The following ARHGEF11 variants were observed in gnomAD, a reference collection of about 807,000 sequenced individuals.
ARHGEF11 encodes the protein Rho guanine nucleotide exchange factor 11.
Under a neutral mutation model 193.7 loss-of-function variants are expected in ARHGEF11, and 55 were observed. The observed-to-expected ratio is 0.28, with a 90% CI of 0.23 to 0.36. ARHGEF11 has a LOEUF of 0.36. Ranked by LOEUF, ARHGEF11 falls within the 10% of genes least tolerant of loss-of-function variation. The pLI, the probability that ARHGEF11 is intolerant of heterozygous loss-of-function variation, is 1.00. For missense variants in ARHGEF11, 1,723 were observed against 2,005.6 expected (o/e 0.86, Z 2.69); for synonymous variants, 693 against 768.0 (o/e 0.90, Z 1.62).
In ARHGEF11 at chr1:156,955,802, G is replaced by C. The variant is rs1659861478; in HGVS notation, c.1672-3C>G. 6.2e-7 allele frequency: 1 copy of C among 1,612,466 alleles called. No individual in the cohort carries two copies. Among genetic ancestry groups the C allele is most frequent in the Admixed American group, 1.7e-5 (1 of 60,032 alleles). ...TTTTCTTTCTTGGAATTGCTGCTCTGCTGAGACAGGAGACACTGGTGTTTG... is the reference window on the plus strand; with the variant it reads ...TTTTCTTTCTTGGAATTGCTGCTCTCCTGAGACAGGAGACACTGGTGTTTG... On this transcript the variant is annotated splice_region_variant and splice_polypyrimidine_tract_variant and intron_variant, in intron 19 of 40. Transcript: ENST00000368194.
intron 1 of ARHGEF11, among the ~76,000 whole-genome samples, chr1:157,002,028 C>T (rs927652299): frequency 6.6e-6 from 1 of 152,112 alleles, no homozygotes; most frequent in Non-Finnish European, 1.5e-5. Flanking sequence ...AGTGTGGTTG[C>T]ATGTGCATGT....
chr1:156,962,587 C>T (rs749452390), intron 13 of ARHGEF11, among the ~76,000 whole-genome samples: 6 of 152,046 alleles, frequency 3.9e-5, no homozygotes, highest in Non-Finnish European at 7.4e-5. Context: ...GTTTAAAAAA[C>T]GAAGGAAGAG....
intron 36 of ARHGEF11, 40 bp from the exon 37 acceptor site, chr1:156,939,950 T>G: frequency 6.3e-7 from 1 of 1,589,400 alleles, no homozygotes; most frequent in Non-Finnish European, 8.5e-7. Flanking sequence ...AGCATGGGAC[T>G]GCACACCACG....
rs1221340937 is a variant in ARHGEF11, at chr1:156,980,714, T to C, written c.224-228A>G. ...TGCTCTTCCTTTCACCTAAATAAGA[T>C]GCCAGACTTCTGATAGCCAGGCCAA... On this transcript the variant is annotated intron_variant, in intron 3 of 40. Transcript: ENST00000368194. Among the ~76,000 whole-genome samples the C allele has an allele frequency of 4.3e-4, 66 of 151,740 alleles. 1 individual carries two copies. Among genetic ancestry groups the C allele is most frequent in the Admixed American group, 4.3e-3 (66 of 15,186 alleles).
At chr1:156,946,848 G>T (rs10908527) in intron 27 of ARHGEF11, 61 bp from the exon 28 acceptor site, 2 of 1,612,678 alleles carry the variant, frequency 1.2e-6, no homozygotes, top group East Asian at 4.5e-5. Context: ...CCAGACCCCT[G>T]CCTTTGCCAA....
In ARHGEF11 at chr1:156,962,863, T is replaced by C. The variant is rs371646111; in HGVS notation, c.1140+340A>G. Among the ~76,000 whole-genome samples, 9 of 113,988 alleles carry C rather than the reference T, an allele frequency of 7.9e-5. No homozygotes were observed. The East Asian group carries it at 1.9e-3, about 25-fold the overall frequency. 74.8% of individuals were successfully genotyped at this position (113,988 alleles called of 152,430 possible). A position where few individuals can be genotyped will look rare whatever the true frequency, so the allele number is the denominator to read the frequency against. On this transcript the variant is annotated intron_variant, in intron 13 of 40. Transcript: ENST00000368194. ...CACTGCACTCCAGCCTCGGCGACAG[T>C]GCGAGACTCCGTCTCAAAAAAAAAA...
intron 1 of ARHGEF11, among the ~76,000 whole-genome samples, chr1:157,029,351 C>T (rs1671031846): frequency 6.6e-6 from 1 of 151,970 alleles, no homozygotes; most frequent in Admixed American, 6.6e-5. Flanking sequence ...CTCACTACAA[C>T]CTCCAGCTCC....
chr1:157,003,969 A>G (rs1667513440), intron 1 of ARHGEF11, among the ~76,000 whole-genome samples: 1 of 152,236 alleles, frequency 6.6e-6, no homozygotes, highest in African/African-American at 2.4e-5. Context: ...CCACCATGGG[A>G]AAAGGGGGGC....
At position 156,948,153 on chromosome 1, in the gene ARHGEF11, C is replaced by G. The variant is rs747887457; in HGVS notation, c.2153+28G>C. The G allele has an allele frequency of 1.3e-6, 2 of 1,544,916 alleles. No homozygotes were observed. Among genetic ancestry groups the G allele is most frequent in the South Asian group, 1.3e-5 (1 of 79,156 alleles). ...GTGGATGGGACACAGAGACACCAAA[C>G]AGAGGCACCACCGTGCCCATCACTT... On this transcript the variant is annotated intron_variant, in intron 24 of 40. Transcript: ENST00000368194. The surrounding 1 kb of genome is among the most constrained non-coding windows in gnomAD (Gnocchi z 4.2).
At chr1:157,014,465 T>C (rs1288734960) in intron 1 of ARHGEF11, among the ~76,000 whole-genome samples, 2 of 152,132 alleles carry the variant, frequency 1.3e-5, no homozygotes, top group African/African-American at 4.8e-5. Context: ...TGGAGTGTAG[T>C]GGTGCCACTG....
In ARHGEF11 at chr1:156,991,355, C is replaced by T. The variant is rs1157447817; in HGVS notation, c.33-5182G>A. On this transcript the variant is annotated intron_variant, in intron 1 of 40. Transcript: ENST00000368194. ...AGTTTTTTGAGACAGGGTTTCACTC[C>T]GTCGCCCAGACTAGAGTGCAGTGGC... 3.9e-5 allele frequency among the ~76,000 whole-genome samples: 6 copies of T among 152,248 alleles called. No homozygotes were observed. The South Asian group carries it at 6.2e-4, about 16-fold the overall frequency.
At chr1:157,012,501 T>C (rs1571493254) in intron 1 of ARHGEF11, among the ~76,000 whole-genome samples, 1 of 152,182 alleles carries the variant, frequency 6.6e-6, no homozygotes, top group African/African-American at 2.4e-5. Flanking sequence ...AAAAAAACGA[T>C]AACACAAACA....
intron 21 of ARHGEF11, among the ~76,000 whole-genome samples, chr1:156,952,598 T>C (rs544983565): frequency 3.6e-4 from 55 of 152,224 alleles, no homozygotes; most frequent in Non-Finnish European, 7.2e-4. Context: ...ACTTCAGAGA[T>C]TCTGACATCT....
rs1557864807 is a variant in ARHGEF11 at position 156,961,681 on chromosome 1, T to C, written c.1235A>G (p.Asn412Ser). 3 of 1,613,362 alleles carry C rather than the reference T, an allele frequency of 1.9e-6. No homozygotes were observed. Among genetic ancestry groups the C allele is most frequent in the Non-Finnish European group, 2.5e-6 (3 of 1,179,322 alleles). The change falls in exon 14 of 41, where the codon AAT (asparagine) becomes AGT (serine). Residue 412 changes from asparagine (N) to serine (S), a missense_variant. Coordinates refer to ENST00000368194, the MANE Select transcript of ARHGEF11 (RefSeq NM_198236.3). ...KDIWNIFLEK[N>S]APLRVKIPEM... ...TCCAATCTATGACTGCCTTACCGCA[T>C]TTTTCTCCAGGAAAATATTCCAGAT...
intron 1 of ARHGEF11, among the ~76,000 whole-genome samples, chr1:157,003,988 C>T (rs1667517033): frequency 6.6e-6 from 1 of 152,186 alleles, no homozygotes; most frequent in Non-Finnish European, 1.5e-5. Context: ...GCTTAAGTTG[C>T]TCCCTTGTAT....
chr1:157,009,041 GGAAGTAAAAAGTCAGACTGCCCAGTAT>G (rs1298897157), intron 1 of ARHGEF11, among the ~76,000 whole-genome samples: 1 of 152,166 alleles, frequency 6.6e-6, no homozygotes, highest in East Asian at 1.9e-4. Flanking sequence ...AAGGTCCATG[GGAAGTAAAAAGTCAGACTGCCCAGTAT>G]ATCACCTGTA....
intron 1 of ARHGEF11, among the ~76,000 whole-genome samples, chr1:156,996,857 C>G (rs1020439905): frequency 9.3e-6 from 1 of 107,772 alleles, no homozygotes; most frequent in Non-Finnish European, 1.8e-5. Context: ...ACCTCTCTCT[C>G]TATTTTTTTT....
chr1:157,004,795 G>T (rs938544997), intron 1 of ARHGEF11, among the ~76,000 whole-genome samples: 1 of 152,168 alleles, frequency 6.6e-6, no homozygotes, highest in Non-Finnish European at 1.5e-5. Context: ...CCACAAAGAT[G>T]ACATCAGGAA....
intron 1 of ARHGEF11, among the ~76,000 whole-genome samples, chr1:157,037,904 G>C (rs925034922): frequency 6.6e-6 from 1 of 151,566 alleles, no homozygotes; most frequent in South Asian, 2.1e-4. Flanking sequence ...GTGGTGGCAG[G>C]TGTCTGTAAT....
Sources: allele counts gnomAD v4.1 joint callset (sites outside exome capture counted in the v4.1 genomes callset), GRCh38; gene constraint gnomAD v4.1.1; non-coding constraint Gnocchi (gnomAD v3.1); transcripts MANE v1.5; gene names NCBI Gene and HGNC (gene_info 2026-07-23, HGNC 2026-07-21).